Variants in PPP4R2 observed in about 807,000 individuals in gnomAD.
The protein encoded by PPP4R2 is serine/threonine-protein phosphatase 4 regulatory subunit 2.
In PPP4R2, 13 loss-of-function variants were observed where a neutral mutation model predicts 47.2. The ratio of observed to expected loss-of-function variants is 0.28; its 90% confidence interval spans 0.18 to 0.44. PPP4R2 has a LOEUF of 0.44. Among genes scored for constraint, PPP4R2 ranks in the 20% least tolerant of loss-of-function variants. The probability of loss-of-function intolerance (pLI) is 1.00; values close to 1 mark genes in which losing one functional copy is unlikely to be tolerated. For synonymous variants in PPP4R2, 151 were observed against 163.3 expected (o/e 0.92, Z 0.57); for missense variants, 421 against 491.2 (o/e 0.86, Z 1.35).
rs1010350654 is a variant in PPP4R2, at chr3:72,997,100, C to G, written c.34+29C>G. On this transcript the variant is annotated intron_variant, in intron 1 of 8. Coordinates refer to ENST00000356692, the MANE Select transcript of PPP4R2 (RefSeq NM_174907.4). ...GGGGTAGCTGCCCCCTCTCCATTCC[C>G]CCTCACCTTCTCCGGCTCGCTCTTC... 3 of 1,339,882 alleles carry G rather than the reference C, an allele frequency of 2.2e-6. No individual in the cohort carries two copies. The Admixed American group carries it at 9.7e-5, about 43-fold the overall frequency. The allele number at this position is 1,339,882 out of a possible 1,614,324, so 83.0% of individuals were successfully genotyped here.
Position 73,045,028 on chromosome 3 carries a change from C to T in PPP4R2, c.117-2158C>T, listed in dbSNP as rs565810686. 2.6e-5 allele frequency among the ~76,000 whole-genome samples: 4 copies of T among 152,266 alleles called. No individual in the cohort carries two copies. The South Asian group carries it at 8.3e-4, about 32-fold the overall frequency. On this transcript the variant is annotated intron_variant, in intron 2 of 8. Coordinates refer to ENST00000356692, the MANE Select transcript of PPP4R2 (RefSeq NM_174907.4). ...TATCTTTAAGAGACAGGGTCTTGCT[C>T]TGTCGCTCAGGCTGGATTCCAGTGG...
At chr3:73,047,981 A>G (rs1056686925) in intron 3 of PPP4R2, among the ~76,000 whole-genome samples, 3 of 152,144 alleles carry the variant, frequency 2.0e-5, no homozygotes, top group Admixed American at 6.5e-5. Flanking sequence ...GGTTCAAGCA[A>G]TTCTCCTCCC....
rs550607806 is a variant in PPP4R2, at chr3:72,997,225, G to T, written c.34+154G>T. On this transcript the variant is annotated intron_variant, in intron 1 of 8. Transcript: ENST00000356692. ...CCCCCTCCACCTCCCCAGGGGCGGG[G>T]AGCCCTGTGGGCAGCTCTCTCCCGC... The T allele has an allele frequency of 3.1e-4, 155 of 502,948 alleles. No individual in the cohort carries two copies. The Middle Eastern group carries it at 6.1e-3, about 20-fold the overall frequency. 31.2% of individuals were successfully genotyped at this position (502,948 alleles called of 1,614,324 possible).
chr3:73,035,659 C>G (rs893877392), intron 2 of PPP4R2, among the ~76,000 whole-genome samples: 1 of 151,984 alleles, frequency 6.6e-6, no homozygotes, highest in African/African-American at 2.4e-5. Context: ...GAGTTTCGCT[C>G]TGTTGCCCAG....
Position 73,047,285 on chromosome 3 carries a change from C to T in PPP4R2, c.216C>T (p.Asn72=), listed in dbSNP as rs1702504537. The T allele has an allele frequency of 6.2e-7, 1 of 1,611,552 alleles. No individual in the cohort carries two copies. Among genetic ancestry groups the T allele is most frequent in the Non-Finnish European group, 8.5e-7 (1 of 1,178,432 alleles). ...TSAPEPRGPP[N]PNVEYIPFDE... Reference sequence around the variant, plus strand: ...CTCCTGAGCCAAGAGGTCCTCCCAACCCTAATGTCGAATATATTCCCTTTG... The same window carrying T: ...CTCCTGAGCCAAGAGGTCCTCCCAATCCTAATGTCGAATATATTCCCTTTG... Residue 72 remains asparagine, a synonymous_variant, in exon 3 of 9, where the codon AAC becomes AAT. Coordinates refer to ENST00000356692, the MANE Select transcript of PPP4R2 (RefSeq NM_174907.4).
At chr3:73,020,527 G>A (rs1007285253) in intron 2 of PPP4R2, among the ~76,000 whole-genome samples, 5 of 151,824 alleles carry the variant, frequency 3.3e-5, no homozygotes, top group African/African-American at 9.7e-5. Flanking sequence ...AAATATAGCT[G>A]GGTGTGGTGG....
Position 73,040,122 on chromosome 3 carries a change from C to G in PPP4R2, c.117-7064C>G, listed in dbSNP as rs113222561. Among the ~76,000 whole-genome samples the G allele has an allele frequency of 6.6e-5, 10 of 152,242 alleles. 1 individual carries two copies. Among genetic ancestry groups the G allele is most frequent in the African/African-American group, 2.4e-4 (10 of 41,544 alleles). On this transcript the variant is annotated intron_variant, in intron 2 of 8. Coordinates refer to ENST00000356692, the MANE Select transcript of PPP4R2 (RefSeq NM_174907.4). ...CCTGGGATGAGGGATTGCAAAGGAC[C>G]TGTTAACACATAAAACAAGTGTCTT...
intron 2 of PPP4R2, among the ~76,000 whole-genome samples, chr3:73,032,265 A>G (rs1702179780): frequency 6.6e-6 from 1 of 151,882 alleles, no homozygotes; most frequent in South Asian, 2.1e-4. Flanking sequence ...TTGAGCTACA[A>G]GTAAAACTGC....
intron 2 of PPP4R2, among the ~76,000 whole-genome samples, chr3:73,028,093 C>A (rs1702101448): frequency 6.6e-6 from 1 of 151,576 alleles, no homozygotes; most frequent in Admixed American, 6.6e-5. Context: ...CTCATCTCTA[C>A]TAAAAATACA....
intron 2 of PPP4R2, among the ~76,000 whole-genome samples, chr3:72,999,522 A>G (rs962234169): frequency 6.6e-6 from 1 of 152,246 alleles, no homozygotes; most frequent in Non-Finnish European, 1.5e-5. Context: ...AGATGATATC[A>G]AACTATTTGG....
intron 3 of PPP4R2, among the ~76,000 whole-genome samples, chr3:73,058,524 A>T (rs1393829245): frequency 6.6e-6 from 1 of 151,744 alleles, no homozygotes; most frequent in Admixed American, 6.6e-5. Flanking sequence ...TTAAAAAAGA[A>T]TTTCTGTTGG....
At chr3:73,005,531 C>A (rs1701589845) in intron 2 of PPP4R2, among the ~76,000 whole-genome samples, 1 of 151,694 alleles carries the variant, frequency 6.6e-6, no homozygotes, top group Admixed American at 6.6e-5. Flanking sequence ...GTCTTGAATT[C>A]TTCTTTTGAG....
chr3:73,013,380 C>G (rs1157657166), intron 2 of PPP4R2, among the ~76,000 whole-genome samples: 1 of 152,076 alleles, frequency 6.6e-6, no homozygotes, highest in African/African-American at 2.4e-5. Flanking sequence ...TGTAATGGAT[C>G]ACACAAATTA....
chr3:73,040,031 G>A (rs1292780535), intron 2 of PPP4R2, among the ~76,000 whole-genome samples: 1 of 152,120 alleles, frequency 6.6e-6, no homozygotes, highest in Non-Finnish European at 1.5e-5. Context: ...CAGCCTGGGC[G>A]ACAAGAGTGA....
intron 2 of PPP4R2, among the ~76,000 whole-genome samples, chr3:73,028,465 T>C (rs961029727): frequency 4.6e-5 from 7 of 152,132 alleles, no homozygotes; most frequent in Admixed American, 3.9e-4. Flanking sequence ...TAGAAGACTT[T>C]TTTTGTTTTT....
intron 2 of PPP4R2, among the ~76,000 whole-genome samples, chr3:73,023,927 T>C (rs1320250046): frequency 1.3e-5 from 2 of 152,208 alleles, no homozygotes; most frequent in African/African-American, 4.8e-5. Flanking sequence ...CTTTTTGATA[T>C]TCAGTTTGAA....
At chr3:73,029,383 T>G (rs927195693) in intron 2 of PPP4R2, among the ~76,000 whole-genome samples, 3 of 152,212 alleles carry the variant, frequency 2.0e-5, no homozygotes, top group African/African-American at 7.2e-5. Flanking sequence ...AAGAGATGTT[T>G]GTGGTTTGAA....
chr3:73,008,785 G>A (rs748641442), intron 2 of PPP4R2, among the ~76,000 whole-genome samples: 7 of 152,134 alleles, frequency 4.6e-5, no homozygotes, highest in Non-Finnish European at 1.0e-4. Context: ...GAATGAATAT[G>A]GCTAAAGAAA....
chr3:73,052,804 T>C (rs539928327), intron 3 of PPP4R2, among the ~76,000 whole-genome samples: 12 of 152,358 alleles, frequency 7.9e-5, no homozygotes, highest in African/African-American at 2.9e-4. Flanking sequence ...ATAGTGTTCC[T>C]ATATATTTAT....
Sources: gnomAD v4.1 joint callset for allele counts (sites outside exome capture counted in the v4.1 genomes callset) on GRCh38, gnomAD v4.1.1 for gene constraint, MANE v1.5 for transcripts, NCBI Gene and HGNC (gene_info 2026-07-23, HGNC 2026-07-21) for gene names.